Variants in ROR2 observed in about 807,000 individuals in gnomAD.
ROR2 encodes the protein tyrosine-protein kinase transmembrane receptor ROR2.
A neutral mutation model predicts 74.9 loss-of-function variants in ROR2; 33 were observed. The ratio of observed to expected loss-of-function variants is 0.44; its 90% CI spans 0.33 to 0.59. The LOEUF is 0.59. Ranked by LOEUF, ROR2 falls within the 20% of genes least tolerant of loss-of-function variation. The probability of loss-of-function intolerance (pLI) is 0.02; values close to 1 mark genes in which losing one functional copy is unlikely to be tolerated. For synonymous variants in ROR2, 586 were observed against 558.7 expected, an observed-to-expected ratio of 1.05 and a Z score of -0.69; for missense variants, 1,216 against 1,313.8, an observed-to-expected ratio of 0.93 and a Z score of 1.15.
chr9:91,846,570 T>C (rs756752749), intron 1 of ROR2, among the ~76,000 whole-genome samples: 12 of 152,140 alleles, frequency 7.9e-5, no homozygotes, highest in Non-Finnish European at 1.5e-4. Flanking sequence ...CAGAGCAGAC[T>C]TTCTGCAGAG....
chr9:91,747,704 C>G (rs77531921), intron 4 of ROR2, among the ~76,000 whole-genome samples: 6 of 151,752 alleles, frequency 4.0e-5, no homozygotes, highest in African/African-American at 1.5e-4. Flanking sequence ...TCTCTCCTAT[C>G]TTTGGTTAAG....
intron 3 of ROR2, among the ~76,000 whole-genome samples, chr9:91,756,831 AC>A (rs1226788354): frequency 1.4e-5 from 2 of 143,684 alleles, no homozygotes; most frequent in Admixed American, 7.2e-5. Flanking sequence ...GCTCACTGCA[AC>A]CTCCACCTCC....
intron 2 of ROR2, among the ~76,000 whole-genome samples, chr9:91,765,627 C>G (rs1826036446): frequency 6.6e-6 from 1 of 152,208 alleles, no homozygotes; most frequent in Non-Finnish European, 1.5e-5. Flanking sequence ...CCATCTGGAG[C>G]CAGGGTGGAG....
At chr9:91,934,776 G>A (rs766789165) in intron 1 of ROR2, among the ~76,000 whole-genome samples, 13 of 152,244 alleles carry the variant, frequency 8.5e-5, no homozygotes, top group Middle Eastern at 3.4e-3. Flanking sequence ...AAGAGAGTAC[G>A]TGAACCTTAT....
Position 91,838,387 on chromosome 9 carries a change from C to A in ROR2, c.98-62569G>T, listed in dbSNP as rs148531381. Among the ~76,000 whole-genome samples, 612 of 152,320 alleles carry A rather than the reference C, an allele frequency of 4.0e-3. 5 individuals are homozygous for A. The highest frequency in any genetic ancestry group is 0.014 in the African/African-American group (579 of 41,576). On this transcript the variant is annotated intron_variant, in intron 1 of 8. Coordinates refer to ENST00000375708, the MANE Select transcript of ROR2 (RefSeq NM_004560.4). ...AGTGAAGGGCTGAGACGCCCTTCTG[C>A]ATCTCCTGCAGCCCCTCCCCTCCTG...
rs1027373536 is a variant in ROR2 at position 91,798,611 on chromosome 9, G to A, written c.98-22793C>T. Among the ~76,000 whole-genome samples, 7 of 144,322 alleles carry A rather than the reference G, an allele frequency of 4.9e-5. 1 individual carries two copies. The highest frequency in any genetic ancestry group is 8.1e-5 in the African/African-American group (3 of 37,030). 94.7% of individuals were successfully genotyped at this position (144,322 alleles called of 152,430 possible). ...GGAGCTGACACCCTGGGCTCTGTGG[G>A]TGGGGAATGACACCCTGGGCTCTGT... On this transcript the variant is annotated intron_variant, in intron 1 of 8. Coordinates refer to ENST00000375708, the MANE Select transcript of ROR2 (RefSeq NM_004560.4).
At chr9:91,739,798 C>A (rs1414545975) in intron 4 of ROR2, among the ~76,000 whole-genome samples, 1 of 152,200 alleles carries the variant, frequency 6.6e-6, no homozygotes, top group Non-Finnish European at 1.5e-5. Context: ...CAATGCGAGC[C>A]TGCCTGCCCA....
chr9:91,901,157 G>A (rs940374096), intron 1 of ROR2, among the ~76,000 whole-genome samples: 1 of 152,272 alleles, frequency 6.6e-6, no homozygotes, highest in East Asian at 1.9e-4. Flanking sequence ...ATATTCTTCT[G>A]AAATGCAAAC....
chr9:91,868,780 T>A (rs1447742257), intron 1 of ROR2, among the ~76,000 whole-genome samples: 1 of 152,212 alleles, frequency 6.6e-6, no homozygotes, highest in Non-Finnish European at 1.5e-5. Context: ...TAGAACTCAC[T>A]GTCAGCAGAC....
chr9:91,924,717 C>T (rs534944461), intron 1 of ROR2, among the ~76,000 whole-genome samples: 197 of 152,108 alleles, frequency 1.3e-3, no homozygotes, highest in African/African-American at 4.5e-3. Context: ...GGCGGGAACC[C>T]AGGAGGCGGA....
intron 1 of ROR2, among the ~76,000 whole-genome samples, chr9:91,913,961 G>A (rs1489198408): frequency 6.6e-6 from 1 of 152,088 alleles, no homozygotes; most frequent in African/African-American, 2.4e-5. Context: ...TTGGTCAATT[G>A]CATGAATATT....
intron 1 of ROR2, among the ~76,000 whole-genome samples, chr9:91,898,820 G>A (rs1248596075): frequency 6.6e-6 from 1 of 152,196 alleles, no homozygotes; most frequent in Non-Finnish European, 1.5e-5. Context: ...AACACATGAT[G>A]GCAGGCAGGC....
chr9:91,936,370 C>T (rs566934391), intron 1 of ROR2, among the ~76,000 whole-genome samples: 2 of 152,286 alleles, frequency 1.3e-5, no homozygotes, highest in South Asian at 2.1e-4. Flanking sequence ...AGCCGAGTGT[C>T]GTCTGCCTGT....
At chr9:91,889,227 C>T (rs187594582) in intron 1 of ROR2, among the ~76,000 whole-genome samples, 1 of 152,148 alleles carries the variant, frequency 6.6e-6, no homozygotes, top group Non-Finnish European at 1.5e-5. Flanking sequence ...CTGAAGCTGC[C>T]GAGTGTGGGA....
intron 1 of ROR2, among the ~76,000 whole-genome samples, chr9:91,801,843 C>T (rs188420756): frequency 7.2e-5 from 11 of 152,282 alleles, no homozygotes; most frequent in African/African-American, 1.4e-4. Flanking sequence ...CATGAACGGG[C>T]GGGCTCATGC....
rs192026780 is a variant in ROR2, at chr9:91,785,465, C to T, written c.98-9647G>A. ...CATCTGTCTTTGCATCAGAATGAAA[C>T]TCCAGAGTCTAGGTGATGGTGGTCT... On this transcript the variant is annotated intron_variant, in intron 1 of 8. Transcript: ENST00000375708. Among the ~76,000 whole-genome samples, 646 of 152,336 alleles carry T rather than the reference C, an allele frequency of 4.2e-3. 9 individuals are homozygous for T. Among genetic ancestry groups the T allele is most frequent in the East Asian group, 1.7e-3 (9 of 5,178 alleles).
At chr9:91,911,957 A>C (rs1587841446) in intron 1 of ROR2, among the ~76,000 whole-genome samples, 1 of 143,278 alleles carries the variant, frequency 7.0e-6, no homozygotes, top group Non-Finnish European at 1.5e-5. Flanking sequence ...AAAAAAAACC[A>C]CAAACCCAAA....
rs1232142986 is a variant in ROR2, at chr9:91,909,842, G to GTTTTT, written c.97+40024_97+40025insAAAAA. On this transcript the variant is annotated intron_variant, in intron 1 of 8. Transcript: ENST00000375708. The stretch of plus-strand genomic sequence containing the variant: ...TTTATTCTTTTTTTTTTTTAGGTTT[G>GTTTTT]TTTTGTTTTTTTTTTTTTTTTTTTT... 2.4e-3 allele frequency among the ~76,000 whole-genome samples: 132 copies of GTTTTT among 55,906 alleles called. 9 individuals carry two copies. Among genetic ancestry groups the GTTTTT allele is most frequent in the Middle Eastern group, 0.014 (1 of 74 alleles). The allele number at this position is 55,906 out of a possible 152,430, so 36.7% of individuals were successfully genotyped here.
At chr9:91,747,788 C>T (rs919489476) in intron 4 of ROR2, among the ~76,000 whole-genome samples, 2 of 152,050 alleles carry the variant, frequency 1.3e-5, no homozygotes, top group Non-Finnish European at 2.9e-5. Flanking sequence ...GAATCAGGGT[C>T]ACTGGGGAAA....
Sources: gnomAD v4.1 joint callset for allele counts (sites outside exome capture counted in the v4.1 genomes callset) on GRCh38, gnomAD v4.1.1 for gene constraint, MANE v1.5 for transcripts, NCBI Gene and HGNC (gene_info 2026-07-23, HGNC 2026-07-21) for gene names.